CACNA2D3: variants seen among roughly 807,000 people sequenced by gnomAD.
CACNA2D3 encodes voltage-dependent calcium channel subunit alpha-2/delta-3.
A neutral mutation model predicts 160.6 loss-of-function variants in CACNA2D3; 60 were observed. That is an observed-to-expected ratio of 0.37 (90% CI 0.30 to 0.46). The LOEUF is 0.46. CACNA2D3 is among the 20% of genes least tolerant of loss of function. The pLI is 1.00. For missense variants in CACNA2D3, 1,205 were observed against 1,365.0 expected, an observed-to-expected ratio of 0.88 and a Z score of 1.85; for synonymous variants, 558 against 492.9, an observed-to-expected ratio of 1.13 and a Z score of -1.75.
intron 2 of CACNA2D3, among the ~76,000 whole-genome samples, chr3:54,303,155 G>C (rs77995629): frequency 0.017 from 2,598 of 152,184 alleles, 73 homozygotes; most frequent in African/African-American, 0.058. Flanking sequence ...GCTTTTATTT[G>C]GTTGACATCT....
chr3:54,941,692 A>G (rs1280535030), intron 27 of CACNA2D3, among the ~76,000 whole-genome samples: 1 of 152,168 alleles, frequency 6.6e-6, no homozygotes, highest in Non-Finnish European at 1.5e-5. Context: ...TTAAAGTAAT[A>G]ATTTCTTCCT....
At chr3:54,290,869 C>G (rs1031315445) in intron 2 of CACNA2D3, among the ~76,000 whole-genome samples, 1 of 150,648 alleles carries the variant, frequency 6.6e-6, no homozygotes, top group Admixed American at 6.7e-5. Flanking sequence ...TGAGAACACA[C>G]GGACACAGGA....
chr3:54,325,762 G>A (rs1312088984), intron 3 of CACNA2D3, among the ~76,000 whole-genome samples: 1 of 152,214 alleles, frequency 6.6e-6, no homozygotes, highest in African/African-American at 2.4e-5. Context: ...ACAAGTTGTA[G>A]CTAGACCTAC....
intron 4 of CACNA2D3, among the ~76,000 whole-genome samples, chr3:54,484,522 T>C (rs1334209092): frequency 6.6e-6 from 1 of 152,204 alleles, no homozygotes; most frequent in Non-Finnish European, 1.5e-5. Flanking sequence ...ATGCATGCTG[T>C]GGCCTTGGTA....
chr3:54,523,894 C>T (rs1241365292), intron 5 of CACNA2D3, among the ~76,000 whole-genome samples: 1 of 151,664 alleles, frequency 6.6e-6, no homozygotes, highest in African/African-American at 2.4e-5. Context: ...CTTTCTTTTT[C>T]GTGTTTAATC....
At chr3:54,810,327 C>T (rs1233132406) in intron 13 of CACNA2D3, among the ~76,000 whole-genome samples, 1 of 152,178 alleles carries the variant, frequency 6.6e-6, no homozygotes, top group East Asian at 1.9e-4. Context: ...TGTGGGGTGG[C>T]AGAAGTGGAA....
At chr3:54,687,135 G>GTTTTTTTTT (rs1290353261) in intron 11 of CACNA2D3, among the ~76,000 whole-genome samples, 14 of 88,904 alleles carry the variant, frequency 1.6e-4, no homozygotes, top group East Asian at 6.5e-4. Context: ...TTTTTTTTTT[G>GTTTTTTTTT]TTTTTTTTTT....
chr3:54,896,766 G>A lies in CACNA2D3; in HGVS notation c.2264G>A (p.Gly755Asp). Residue 755 changes from glycine to aspartate, a missense_variant, in exon 26 of 38, where the codon GGC becomes GAC. Gly to Asp is a moderately conservative substitution (Grantham distance 94). Coordinates refer to ENST00000474759, the MANE Select transcript of CACNA2D3 (RefSeq NM_018398.3). ...ACTTCAAGGGACTTCCTGAAAGCTG[G>A]CGACAAGGAGAACATTTTTAACGCA... ...QLTNQDFLKA[G>D]DKENIFNADH... The A allele has an allele frequency of 6.2e-7, 1 of 1,613,946 alleles. No homozygotes were observed. The highest frequency in any genetic ancestry group is 8.5e-7 in the Non-Finnish European group (1 of 1,179,886).
chr3:54,129,750 T>G (rs771103338), intron 2 of CACNA2D3, among the ~76,000 whole-genome samples: 1 of 152,188 alleles, frequency 6.6e-6, no homozygotes, highest in African/African-American at 2.4e-5. Context: ...ACCTCGAGTT[T>G]TCCATTTTAG....
At chr3:54,801,210 A>G (rs1207592768) in intron 13 of CACNA2D3, among the ~76,000 whole-genome samples, 1 of 151,982 alleles carries the variant, frequency 6.6e-6, no homozygotes, top group Non-Finnish European at 1.5e-5. Context: ...CTGGTGTCAA[A>G]CTCCTGACCT....
chr3:54,148,996 A>AT (rs1700092252), intron 2 of CACNA2D3, among the ~76,000 whole-genome samples: 3 of 148,350 alleles, frequency 2.0e-5, no homozygotes, highest in Non-Finnish European at 4.5e-5. Flanking sequence ...AAAAAAAAAA[A>AT]TAGACAACTC....
At chr3:54,329,941 A>G (rs1189681736) in intron 3 of CACNA2D3, among the ~76,000 whole-genome samples, 1 of 152,208 alleles carries the variant, frequency 6.6e-6, no homozygotes, top group Non-Finnish European at 1.5e-5. Flanking sequence ...TGGTCCTGCA[A>G]ACAGAGTGAG....
At chr3:55,055,695 A>AT (rs1704343688) in intron 35 of CACNA2D3, among the ~76,000 whole-genome samples, 1 of 152,066 alleles carries the variant, frequency 6.6e-6, no homozygotes. Flanking sequence ...GATATTTTCC[A>AT]TTTTTGGTGG....
chr3:54,891,505 C>G (rs1700068475), intron 25 of CACNA2D3, 55 bp downstream of exon 25: 1 of 1,273,848 alleles, frequency 7.9e-7, no homozygotes, highest in South Asian at 1.2e-5. Context: ...ATGGAACATT[C>G]AAAGGGAAGC....
At chr3:54,370,070 T>G (rs1003749102) in intron 3 of CACNA2D3, among the ~76,000 whole-genome samples, 9 of 152,226 alleles carry the variant, frequency 5.9e-5, no homozygotes, top group African/African-American at 1.4e-4. Context: ...AAAATCATTT[T>G]TGGAATGAGG....
chr3:54,456,830 A>G (rs1700405672), intron 4 of CACNA2D3, among the ~76,000 whole-genome samples: 1 of 151,670 alleles, frequency 6.6e-6, no homozygotes, highest in Non-Finnish European at 1.5e-5. Flanking sequence ...AATCTTTATA[A>G]GTTGTATGTG....
intron 5 of CACNA2D3, among the ~76,000 whole-genome samples, chr3:54,524,465 G>A (rs1450865149): frequency 1.3e-5 from 2 of 152,010 alleles, no homozygotes; most frequent in South Asian, 2.1e-4. Context: ...TGAGAAGAAT[G>A]TGTAATGTAT....
chr3:54,384,784 A>G (rs556129858), intron 3 of CACNA2D3, among the ~76,000 whole-genome samples: 1 of 151,564 alleles, frequency 6.6e-6, no homozygotes, highest in South Asian at 2.1e-4. Flanking sequence ...CAGTGGTGTG[A>G]TCTCGGCTCA....
chr3:54,811,425 C>T lies in CACNA2D3; in HGVS notation c.1381-5428C>T, dbSNP rs191133311. On this transcript the variant is annotated intron_variant, in intron 13 of 37. Transcript: ENST00000474759. ...CTGGGGTCAGACTATTGCCTGCTGC[C>T]TCCACACCACCAGTGTGCTGATCCT... 1.9e-3 allele frequency among the ~76,000 whole-genome samples: 281 copies of T among 147,702 alleles called. 2 individuals are homozygous for T. Among genetic ancestry groups the T allele is most frequent in the African/African-American group, 6.7e-3 (268 of 40,108 alleles).
Sources: gnomAD v4.1 joint callset for allele counts (sites outside exome capture counted in the v4.1 genomes callset) on GRCh38, gnomAD v4.1.1 for gene constraint, MANE v1.5 for transcripts, NCBI Gene and HGNC (gene_info 2026-07-23, HGNC 2026-07-21) for gene names.